Variants in VCL observed in about 807,000 individuals in gnomAD.
VCL encodes the protein vinculin.
In VCL, 47 loss-of-function variants were observed where a neutral mutation model predicts 125.7. The ratio of observed to expected loss-of-function variants is 0.37; its 90% confidence interval spans 0.30 to 0.48. VCL has a LOEUF of 0.48. Among genes scored for constraint, VCL ranks in the 20% least tolerant of loss-of-function variants. VCL has a pLI of 0.99. For synonymous variants in VCL, 458 were observed against 514.6 expected (o/e 0.89, Z 1.49); for missense variants, 1,069 against 1,455.5 (o/e 0.73, Z 4.32).
At chr10:74,018,200 AT>A (rs1591653506) in intron 1 of VCL, among the ~76,000 whole-genome samples, 1 of 141,792 alleles carries the variant, frequency 7.1e-6, no homozygotes, top group East Asian at 2.0e-4. Context: ...ATATATATAT[AT>A]AAATACATAT....
Position 74,097,262 on chromosome 10 carries a change from A to C in VCL, c.1802A>C (p.Asp601Ala). ...MTQEVSDVFS[D>A]TTTPIKLLAV... ...CAGGAAGTGTCAGATGTTTTCAGCG[A>C]TACCACAACTCCCATCAAGCTGTTG... The change falls in exon 13 of 22, where the codon GAT (aspartate) becomes GCT (alanine). Residue 601 changes from aspartate (D) to alanine (A), a missense_variant. Coordinates refer to ENST00000211998, the MANE Select transcript of VCL (RefSeq NM_014000.3). This position sits in a 1 kb window ranked among gnomAD's most constrained non-coding sequence, Gnocchi z 4.1. 1 of 1,614,132 alleles carries C rather than the reference A, an allele frequency of 6.2e-7. No individual in the cohort carries two copies.
chr10:74,101,542 GTTTTTTTTT>G (rs964739371), intron 14 of VCL, among the ~76,000 whole-genome samples: 2 of 88,142 alleles, frequency 2.3e-5, no homozygotes, highest in African/African-American at 9.5e-5. Flanking sequence ...CTATTTATTA[GTTTTTTTTT>G]TTTTTTTTTT....
At chr10:74,020,786 A>G (rs1178414394) in intron 1 of VCL, among the ~76,000 whole-genome samples, 1 of 144,298 alleles carries the variant, frequency 6.9e-6, no homozygotes, top group Non-Finnish European at 1.5e-5. Context: ...GGCTGCAGTG[A>G]ACCATGATCG....
intron 2 of VCL, among the ~76,000 whole-genome samples, chr10:74,062,896 C>T (rs1325137490): frequency 6.6e-5 from 10 of 152,060 alleles, no homozygotes; most frequent in Non-Finnish European, 1.5e-4. Flanking sequence ...GATACCCCGT[C>T]GCTACTAAAA....
chr10:74,011,812 C>T (rs1377930801), intron 1 of VCL, among the ~76,000 whole-genome samples: 2 of 152,134 alleles, frequency 1.3e-5, no homozygotes, highest in East Asian at 3.9e-4. Flanking sequence ...GAAGTTAGCA[C>T]ACTGGATTGG....
intron 1 of VCL, among the ~76,000 whole-genome samples, chr10:74,027,430 G>A (rs1398115767): frequency 6.6e-6 from 1 of 151,702 alleles, no homozygotes; most frequent in African/African-American, 2.4e-5. Context: ...GGAGGCCGAG[G>A]TAGGTGAATC....
intron 1 of VCL, among the ~76,000 whole-genome samples, chr10:74,025,808 G>A (rs1840761341): frequency 6.6e-6 from 1 of 152,042 alleles, no homozygotes; most frequent in South Asian, 2.1e-4. Flanking sequence ...CTTATCTTGG[G>A]TAATACCCGA....
At position 74,090,151 on chromosome 10, in the gene VCL, T is replaced by TG; in HGVS notation, c.1309dup (p.Glu437GlyfsTer8). 6.2e-7 allele frequency: 1 copy of TG among 1,614,212 alleles called. No homozygotes were observed. The highest frequency in any genetic ancestry group is 8.5e-7 in the Non-Finnish European group (1 of 1,180,036). On this transcript the variant is annotated frameshift_variant, in exon 10 of 22. Coordinates refer to ENST00000211998, the MANE Select transcript of VCL (RefSeq NM_014000.3). LOFTEE classifies it high-confidence loss of function. ...AAAGAGATGACATTCTACGTTCCCT[T>TG]GGGGAAATATCTGCTCTGACTTCTA...
downstream of VCL, chr10:74,120,912 G>A (rs918627213): frequency 4.6e-5 from 7 of 152,184 alleles, no homozygotes; most frequent in Admixed American, 1.3e-4. Flanking sequence ...AGCTTTTGGG[G>A]ACATAGTCCT....
intron 2 of VCL, among the ~76,000 whole-genome samples, chr10:74,045,935 T>G (rs1016281061): frequency 1.3e-5 from 2 of 152,220 alleles, no homozygotes; most frequent in Admixed American, 6.5e-5. Context: ...TAAATAAAGC[T>G]AAAAGTGTTC....
chr10:74,089,185 G>T lies in VCL; in HGVS notation c.1023-11G>T, dbSNP rs1359935916. 1.2e-6 allele frequency: 2 copies of T among 1,613,966 alleles called. No homozygotes were observed. The highest frequency in any genetic ancestry group is 2.7e-5 in the African/African-American group (2 of 75,050). On this transcript the variant is annotated splice_polypyrimidine_tract_variant and intron_variant, in intron 8 of 21. Coordinates refer to ENST00000211998, the MANE Select transcript of VCL (RefSeq NM_014000.3). The stretch of plus-strand genomic sequence containing the variant: ...GGGTGTACAATGACAGCATGTGTCT[G>T]TTTTGAGCAGAGGACAAGGATCCTC...
intron 2 of VCL, among the ~76,000 whole-genome samples, chr10:74,070,115 C>G (rs1318898343): frequency 1.3e-5 from 2 of 152,016 alleles, no homozygotes; most frequent in African/African-American, 2.4e-5. Flanking sequence ...CATACTTTTT[C>G]TTTGTGTTTC....
chr10:74,046,918 T>C (rs1385510036), intron 2 of VCL, among the ~76,000 whole-genome samples: 2 of 152,208 alleles, frequency 1.3e-5, no homozygotes, highest in African/African-American at 2.4e-5. Flanking sequence ...CTAGTTGTGA[T>C]AAAAATTTCA....
At position 74,049,644 on chromosome 10, in the gene VCL, G is replaced by A. The variant is rs773553943; in HGVS notation, c.239+6491G>A. ...CTGTGGGGAGAGGGGCACATGGTGG[G>A]GGTGGTAGGAACTAAGCTTAGGTAG... On this transcript the variant is annotated intron_variant, in intron 2 of 21. Transcript: ENST00000211998. Among the ~76,000 whole-genome samples the A allele has an allele frequency of 9.9e-5, 15 of 152,134 alleles. 1 individual carries two copies. The highest frequency in any genetic ancestry group is 1.9e-4 in the Non-Finnish European group (13 of 68,032).
At chr10:74,047,884 C>T (rs1486532566) in intron 2 of VCL, among the ~76,000 whole-genome samples, 1 of 152,140 alleles carries the variant, frequency 6.6e-6, no homozygotes, top group Non-Finnish European at 1.5e-5. Context: ...CAGGCAATTC[C>T]TTACTGTAAA....
intron 12 of VCL, among the ~76,000 whole-genome samples, chr10:74,096,711 T>G (rs553946880): frequency 2.6e-5 from 4 of 152,362 alleles, no homozygotes; most frequent in South Asian, 4.1e-4. Context: ...CTAGAAAACT[T>G]AATTGAAAGA....
At chr10:74,115,214 G>A (rs1042211631) in intron 21 of VCL, among the ~76,000 whole-genome samples, 1 of 151,966 alleles carries the variant, frequency 6.6e-6, no homozygotes, top group Non-Finnish European at 1.5e-5. Context: ...GGGTGACAGA[G>A]TGAGACTCTT....
intron 19 of VCL, 76 bp from the exon 20 acceptor site, chr10:74,114,108 C>A: frequency 6.4e-7 from 1 of 1,574,606 alleles, no homozygotes. Flanking sequence ...CCCTCCTCTT[C>A]TCTGTGCTTC....
intron 1 of VCL, 40 bp from the exon 2 acceptor site, chr10:74,043,043 A>C: frequency 1.3e-6 from 2 of 1,556,090 alleles, no homozygotes; most frequent in Non-Finnish European, 1.8e-6. Context: ...TTAAAGTCTG[A>C]GAATTTATAT....
Sources: allele counts gnomAD v4.1 joint callset (sites outside exome capture counted in the v4.1 genomes callset), GRCh38; gene constraint gnomAD v4.1.1; non-coding constraint Gnocchi (gnomAD v3.1); transcripts MANE v1.5; gene names NCBI Gene and HGNC (gene_info 2026-07-23, HGNC 2026-07-21).